DPP6: variants seen among roughly 807,000 people sequenced by gnomAD.
The protein encoded by DPP6 is A-type potassium channel modulatory protein DPP6.
Under a neutral mutation model 122.6 loss-of-function variants are expected in DPP6, and 69 were observed. The ratio of observed to expected loss-of-function variants is 0.56; its 90% CI spans 0.46 to 0.69. The LOEUF (loss-of-function observed/expected upper bound fraction) is 0.69, where lower values mean the gene tolerates loss of function less well. Among genes scored for constraint, DPP6 ranks in the 30% least tolerant of loss-of-function variants. The pLI, the probability that DPP6 is intolerant of heterozygous loss-of-function variation, is 0.00. For missense variants in DPP6, 928 were observed against 1,116.9 expected, an observed-to-expected ratio of 0.83 and a Z score of 2.41; for synonymous variants, 418 against 433.1, an observed-to-expected ratio of 0.97 and a Z score of 0.43.
At position 154,889,675 on chromosome 7, in the gene DPP6, G is replaced by A. The variant is rs563856660; in HGVS notation, c.2451+145G>A. On this transcript the variant is annotated intron_variant, in intron 25 of 25. Transcript: ENST00000377770. ...GTGATGAGCAAGGTCCCAGCAGGTT[G>A]GAAAATCAGCACATGCTCAACGTTT... is the stretch of plus-strand genomic sequence containing the variant. The A allele has an allele frequency of 4.3e-5, 56 of 1,302,984 alleles. No homozygotes were observed. In the Middle Eastern group the frequency reaches 5.8e-4, roughly 13 times the overall value. 80.7% of individuals were successfully genotyped at this position (1,302,984 alleles called of 1,614,324 possible).
intron 8 of DPP6, among the ~76,000 whole-genome samples, chr7:154,731,148 C>T (rs1002434169): frequency 2.6e-5 from 4 of 151,972 alleles, no homozygotes; most frequent in African/African-American, 9.7e-5. Context: ...CTTTTGCCTA[C>T]TCTGTGACTT....
At chr7:154,305,054 GCCCCAGCCC>G (rs1402420672) in intron 1 of DPP6, 1 of 93,926 alleles carries the variant, frequency 1.1e-5, no homozygotes, top group African/African-American at 5.4e-5. Context: ...CCCAGCCCCA[GCCCCAGCCC>G]CAGCCCCAGC....
chr7:154,296,054 C>A (rs1269660802), intron 1 of DPP6, among the ~76,000 whole-genome samples: 5 of 151,240 alleles, frequency 3.3e-5, no homozygotes, highest in African/African-American at 1.2e-4. Flanking sequence ...ACGCCATTCT[C>A]CTGCCTCAGC....
intron 7 of DPP6, among the ~76,000 whole-genome samples, chr7:154,669,775 A>G (rs1838437263): frequency 6.6e-6 from 1 of 152,240 alleles, no homozygotes; most frequent in South Asian, 2.1e-4. Flanking sequence ...AGAACTGCAG[A>G]TGAGAATGAT....
chr7:154,527,417 C>T (rs1038372843), intron 3 of DPP6, among the ~76,000 whole-genome samples: 2 of 152,042 alleles, frequency 1.3e-5, no homozygotes, highest in African/African-American at 4.8e-5. Flanking sequence ...AGTGTGGATA[C>T]TGGAGATTAC....
chr7:153,929,623 A>G (rs4141104), intron 1 of DPP6, among the ~76,000 whole-genome samples: 45,395 of 151,806 alleles, frequency 0.3, 7,672 homozygotes, highest in East Asian at 0.64. Context: ...TATTGATAGC[A>G]TATTTGCAAA....
At chr7:154,340,155 T>C (rs921908314) in intron 1 of DPP6, among the ~76,000 whole-genome samples, 1 of 152,166 alleles carries the variant, frequency 6.6e-6, no homozygotes, top group Non-Finnish European at 1.5e-5. Context: ...TTGGTTAAGA[T>C]TGATGTGCAA....
At chr7:154,752,771 G>A (rs896550023) in intron 8 of DPP6, among the ~76,000 whole-genome samples, 1 of 152,206 alleles carries the variant, frequency 6.6e-6, no homozygotes, top group Non-Finnish European at 1.5e-5. Context: ...GCACAGACTG[G>A]TCAGAGAGAG....
Position 154,876,110 on chromosome 7 carries a change from C to T in DPP6, c.2078+10C>T, listed in dbSNP as rs745468182. ...AGATGGAGGCCGTGCGGTGAGCACC[C>T]GCCCAGGAAGCAGGAGAGGCCGGGA... On this transcript the variant is annotated intron_variant, in intron 20 of 25. Transcript: ENST00000377770. 1.4e-5 allele frequency: 22 copies of T among 1,569,168 alleles called. No homozygotes were observed. Among genetic ancestry groups the T allele is most frequent in the Admixed American group, 3.5e-5 (2 of 57,436 alleles).
intron 7 of DPP6, among the ~76,000 whole-genome samples, chr7:154,715,852 G>A (rs1025813145): frequency 3.9e-5 from 6 of 152,166 alleles, no homozygotes; most frequent in Non-Finnish European, 8.8e-5. Flanking sequence ...CAACTACCTG[G>A]AAGTCTCAGA....
At chr7:154,867,694 A>C (rs1455960174) in intron 17 of DPP6, among the ~76,000 whole-genome samples, 4 of 152,194 alleles carry the variant, frequency 2.6e-5, no homozygotes, top group Non-Finnish European at 5.9e-5. Context: ...GAAGAATCAT[A>C]CCAAAACCTG....
intron 1 of DPP6, among the ~76,000 whole-genome samples, chr7:153,984,940 G>A (rs754816724): frequency 2.0e-5 from 3 of 152,166 alleles, no homozygotes; most frequent in African/African-American, 7.2e-5. Context: ...CATATTCAGT[G>A]CACTAGGGAT....
chr7:154,861,420 C>T (rs1363195806), intron 17 of DPP6, among the ~76,000 whole-genome samples: 6 of 152,162 alleles, frequency 3.9e-5, no homozygotes, highest in African/African-American at 7.2e-5. Context: ...TACCACTGCC[C>T]AGTTAAACAT....
chr7:154,561,618 A>G (rs900572243), intron 4 of DPP6, among the ~76,000 whole-genome samples: 4 of 152,230 alleles, frequency 2.6e-5, no homozygotes, highest in Non-Finnish European at 5.9e-5. Context: ...AACTGTTCAT[A>G]TTAGATCTCA....
At chr7:154,222,791 C>T (rs1433395239) in intron 1 of DPP6, among the ~76,000 whole-genome samples, 1 of 149,370 alleles carries the variant, frequency 6.7e-6, no homozygotes, top group Non-Finnish European at 1.5e-5. Context: ...CCTCATGTAC[C>T]TGCATCTCTT....
upstream of DPP6, among the ~76,000 whole-genome samples, chr7:153,883,308 A>C (rs1479655146): frequency 6.6e-6 from 1 of 152,200 alleles, no homozygotes; most frequent in East Asian, 1.9e-4. Flanking sequence ...TAAATACCCA[A>C]AATTAATATA....
At chr7:154,797,566 C>T (rs986028837) in intron 12 of DPP6, among the ~76,000 whole-genome samples, 3 of 152,084 alleles carry the variant, frequency 2.0e-5, no homozygotes, top group Non-Finnish European at 1.5e-5. Flanking sequence ...TGTACAATTC[C>T]ATCTATATAA....
At chr7:154,296,409 G>A (rs1805548058) in intron 1 of DPP6, among the ~76,000 whole-genome samples, 1 of 152,088 alleles carries the variant, frequency 6.6e-6, no homozygotes. Context: ...TCTATTAGAC[G>A]GTGAGACAGT....
chr7:154,160,735 GA>G (rs547076067), intron 1 of DPP6, among the ~76,000 whole-genome samples: 5 of 152,206 alleles, frequency 3.3e-5, no homozygotes, highest in Non-Finnish European at 7.3e-5. Flanking sequence ...CTCACTTCCA[GA>G]AGACAGAGAT....
Sources: allele counts gnomAD v4.1 joint callset (sites outside exome capture counted in the v4.1 genomes callset), GRCh38; gene constraint gnomAD v4.1.1; transcripts MANE v1.5; gene names NCBI Gene and HGNC (gene_info 2026-07-23, HGNC 2026-07-21).